The following RBFOX1 variants were observed in gnomAD, a reference collection of about 807,000 sequenced individuals.
The protein encoded by RBFOX1 is RNA binding fox-1 homolog 1.
RBFOX1 carries 8 observed loss-of-function variants against 57.7 expected under a neutral mutation model. The ratio of observed to expected loss-of-function variants is 0.14; its 90% CI spans 0.08 to 0.25. The LOEUF (loss-of-function observed/expected upper bound fraction) is 0.25, where lower values mean the gene tolerates loss of function less well. Ranked by LOEUF, RBFOX1 falls within the 10% of genes least tolerant of loss-of-function variation. The probability of loss-of-function intolerance (pLI) is 1.00; values close to 1 mark genes in which losing one functional copy is unlikely to be tolerated. For synonymous variants in RBFOX1, 326 were observed against 222.4 expected (o/e 1.47, Z -4.15); for missense variants, 611 against 548.5 (o/e 1.11, Z -1.14).
intron 4 of RBFOX1, among the ~76,000 whole-genome samples, chr16:7,181,021 T>C (rs2082590431): frequency 6.6e-6 from 1 of 152,204 alleles, no homozygotes; most frequent in Non-Finnish European, 1.5e-5. Flanking sequence ...TGTTGCGGCA[T>C]TGCAGTAAAT....
intron 4 of RBFOX1, among the ~76,000 whole-genome samples, chr16:7,223,712 G>GAAAAAA (rs71147673): frequency 5.3e-4 from 69 of 130,214 alleles, no homozygotes; most frequent in Non-Finnish European, 7.5e-4. Flanking sequence ...CAGTGTTTCA[G>GAAAAAA]AAAAAAAAAA....
rs192787038 is a variant in RBFOX1 at position 7,554,661 on chromosome 16, T to A, written c.271-25116T>A. On this transcript the variant is annotated intron_variant, in intron 5 of 15. Coordinates refer to ENST00000550418, the MANE Select transcript of RBFOX1 (RefSeq NM_018723.4). ...TTTGAGCCTCTAACCTTTTTTTTTT[T>A]AATTTTTTTATTTTTAAGCACCCTA... Among the ~76,000 whole-genome samples, 358 of 152,162 alleles carry A rather than the reference T, an allele frequency of 2.4e-3. 8 individuals are homozygous for A. The East Asian group carries it at 0.046, about 20-fold the overall frequency.
intron 3 of RBFOX1, among the ~76,000 whole-genome samples, chr16:6,999,792 C>T (rs2092625399): frequency 6.6e-6 from 1 of 151,986 alleles, no homozygotes. Flanking sequence ...TAGCAATAGG[C>T]CAGGCATGTT....
intron 1 of RBFOX1, among the ~76,000 whole-genome samples, chr16:6,219,025 G>T (rs1274291674): frequency 6.6e-6 from 1 of 152,178 alleles, no homozygotes; most frequent in African/African-American, 2.4e-5. Context: ...TGACTCAGGG[G>T]CCACATCTGT....
At chr16:6,129,663 C>T (rs1409222984) in intron 1 of RBFOX1, among the ~76,000 whole-genome samples, 2 of 144,128 alleles carry the variant, frequency 1.4e-5, no homozygotes, top group Non-Finnish European at 3.0e-5. Flanking sequence ...ATTTACAGGT[C>T]CAAGAAGATT....
intron 1 of RBFOX1, among the ~76,000 whole-genome samples, chr16:5,462,460 G>T (rs1017394652): frequency 6.6e-6 from 1 of 152,078 alleles, no homozygotes; most frequent in Non-Finnish European, 1.5e-5. Flanking sequence ...GAGCCACCGC[G>T]CCCGGCCGAA....
At chr16:5,288,017 AG>A (rs2151165500) in intron 1 of RBFOX1, among the ~76,000 whole-genome samples, 1 of 152,282 alleles carries the variant, frequency 6.6e-6, no homozygotes, top group East Asian at 1.9e-4. Context: ...GGGCCTGACT[AG>A]GGAGGTACCA....
chr16:5,390,455 C>A (rs1427286790), intron 1 of RBFOX1, among the ~76,000 whole-genome samples: 1 of 151,820 alleles, frequency 6.6e-6, no homozygotes, highest in Non-Finnish European at 1.5e-5. Flanking sequence ...CACTCGGCTA[C>A]TTTTTATATT....
intron 4 of RBFOX1, among the ~76,000 whole-genome samples, chr16:7,257,574 C>A (rs948444047): frequency 1.3e-5 from 2 of 152,138 alleles, no homozygotes; most frequent in Admixed American, 1.3e-4. Context: ...CCCACCGTTG[C>A]CCACCCTTGC....
intron 3 of RBFOX1, among the ~76,000 whole-genome samples, chr16:6,987,730 A>G (rs1235084637): frequency 6.6e-6 from 1 of 152,206 alleles, no homozygotes; most frequent in Non-Finnish European, 1.5e-5. Context: ...ACCACAGTTT[A>G]TTCACCTGTG....
intron 2 of RBFOX1, among the ~76,000 whole-genome samples, chr16:5,543,738 A>G (rs903812311): frequency 4.6e-5 from 7 of 152,174 alleles, no homozygotes; most frequent in Non-Finnish European, 8.8e-5. Context: ...GCACATCATA[A>G]TCAAGTGTTC....
chr16:7,255,126 C>T (rs1261977622), intron 4 of RBFOX1, among the ~76,000 whole-genome samples: 2 of 152,146 alleles, frequency 1.3e-5, no homozygotes, highest in Admixed American at 1.3e-4. Context: ...ATAACCCCAT[C>T]TCCGATCTTT....
intron 4 of RBFOX1, among the ~76,000 whole-genome samples, chr16:7,207,181 T>C (rs577134987): frequency 1.8e-4 from 28 of 152,336 alleles, no homozygotes; most frequent in African/African-American, 6.7e-4. Flanking sequence ...TTTTATAGCA[T>C]CTTCATTACC....
intron 3 of RBFOX1, among the ~76,000 whole-genome samples, chr16:6,680,959 A>C (rs567807226): frequency 6.6e-6 from 1 of 152,364 alleles, no homozygotes; most frequent in East Asian, 1.9e-4. Context: ...GGGCCTGAGT[A>C]ACTTTTAACA....
chr16:6,430,725 A>G (rs2094054994), intron 2 of RBFOX1, among the ~76,000 whole-genome samples: 1 of 152,142 alleles, frequency 6.6e-6, no homozygotes, highest in Non-Finnish European at 1.5e-5. Context: ...AGAGGTAGAC[A>G]ACCACCAAAT....
chr16:5,391,471 G>T (rs190822481), intron 1 of RBFOX1, among the ~76,000 whole-genome samples: 1 of 152,008 alleles, frequency 6.6e-6, no homozygotes, highest in Non-Finnish European at 1.5e-5. Flanking sequence ...AGGTCCCTTG[G>T]GACTCCACTG....
In RBFOX1 at chr16:5,314,017, C is replaced by T. The variant is rs375673771; in HGVS notation, c.219+73912C>T. Among the ~76,000 whole-genome samples the T allele has an allele frequency of 1.1e-4, 16 of 152,148 alleles. No homozygotes were observed. In the East Asian group the frequency reaches 1.4e-3, roughly 13 times the overall value. On this transcript the variant is annotated intron_variant, in intron 1 of 2. Transcript: ENST00000585867. ...CTCAAGAGGGGTCCAAAGAACAACA[C>T]GTAATAATAGTAATAAATAATAATA...
intron 1 of RBFOX1, among the ~76,000 whole-genome samples, chr16:6,091,620 A>C (rs866825689): frequency 1.3e-5 from 2 of 152,204 alleles, no homozygotes; most frequent in Non-Finnish European, 2.9e-5. Context: ...ACCTGAGGTC[A>C]TGAGTTCGAG....
intron 4 of RBFOX1, among the ~76,000 whole-genome samples, chr16:7,242,619 G>C (rs1388543786): frequency 6.6e-6 from 1 of 152,204 alleles, no homozygotes; most frequent in Admixed American, 6.5e-5. Flanking sequence ...TTTCCATGGT[G>C]ACAGCTGCAG....
Sources: gnomAD v4.1 joint callset for allele counts (sites outside exome capture counted in the v4.1 genomes callset) on GRCh38, gnomAD v4.1.1 for gene constraint, MANE v1.5 for transcripts, NCBI Gene and HGNC (gene_info 2026-07-23, HGNC 2026-07-21) for gene names.